The following ADAM17 variants were observed in gnomAD, a reference collection of about 807,000 sequenced individuals.
The protein encoded by ADAM17 is ADAM metallopeptidase domain 17.
Under a neutral mutation model 96.7 loss-of-function variants are expected in ADAM17, and 39 were observed. The ratio of observed to expected loss-of-function variants is 0.40; its 90% CI spans 0.31 to 0.53. ADAM17 has a LOEUF of 0.53. Among genes scored for constraint, ADAM17 ranks in the 20% least tolerant of loss-of-function variants. The pLI is 0.44. For missense variants in ADAM17, 777 were observed against 1,013.2 expected (o/e 0.77, Z 3.17); for synonymous variants, 344 against 359.2 (o/e 0.96, Z 0.48).
intron 10 of ADAM17, 48 bp downstream of exon 10, chr2:9,517,853 T>G (rs775990297): frequency 7.8e-7 from 1 of 1,285,878 alleles, no homozygotes; most frequent in Non-Finnish European, 1.1e-6. Flanking sequence ...ACTGAGGTTC[T>G]ACTACAATAA....
At chr2:9,525,211 A>T (rs1664470305) in intron 6 of ADAM17, among the ~76,000 whole-genome samples, 1 of 150,196 alleles carries the variant, frequency 6.7e-6, no homozygotes, top group South Asian at 2.2e-4. Flanking sequence ...AGGCAGGAGA[A>T]TTGCTTGAAC....
At chr2:9,502,033 C>G (rs771044037) in intron 13 of ADAM17, 140 bp downstream of exon 13, 3 of 723,464 alleles carry the variant, frequency 4.1e-6, no homozygotes, top group Non-Finnish European at 7.0e-6. Flanking sequence ...GTGTCACAAA[C>G]TAAGGAGTGC....
intron 11 of ADAM17, among the ~76,000 whole-genome samples, chr2:9,507,256 G>A (rs1479551971): frequency 6.6e-6 from 1 of 152,152 alleles, no homozygotes; most frequent in East Asian, 1.9e-4. Flanking sequence ...TTGAGAGGTC[G>A]AGGCAGGTGG....
intron 12 of ADAM17, among the ~76,000 whole-genome samples, chr2:9,504,625 T>C (rs1428680874): frequency 4.7e-5 from 7 of 149,800 alleles, no homozygotes; most frequent in Non-Finnish European, 8.9e-5. Flanking sequence ...TAGCCGGGCA[T>C]GGTGGTGCGT....
chr2:9,530,963 T>C (rs918771671), intron 4 of ADAM17, among the ~76,000 whole-genome samples: 7 of 152,184 alleles, frequency 4.6e-5, no homozygotes, highest in Non-Finnish European at 2.9e-5. Flanking sequence ...CATTTTCTTT[T>C]TTATTTTTTT....
intron 1 of ADAM17, among the ~76,000 whole-genome samples, chr2:9,553,157 TTCC>T (rs1320177336): frequency 6.6e-6 from 1 of 152,184 alleles, no homozygotes. Context: ...GAGACTCATT[TTCC>T]TCCTCCTTTA....
At chr2:9,537,773 A>C (rs2125036430) in intron 2 of ADAM17, among the ~76,000 whole-genome samples, 1 of 151,522 alleles carries the variant, frequency 6.6e-6, no homozygotes, top group African/African-American at 2.4e-5. Flanking sequence ...AAAACAACAT[A>C]TCTTGCAAAA....
intron 6 of ADAM17, among the ~76,000 whole-genome samples, chr2:9,524,873 G>A (rs952199059): frequency 6.6e-6 from 1 of 152,172 alleles, no homozygotes; most frequent in African/African-American, 2.4e-5. Context: ...TTTTCTCAAA[G>A]AGAATATTCT....
Position 9,536,802 on chromosome 2 carries a change from C to G in ADAM17, c.257G>C (p.Ser86Thr). Residue 86 changes from serine to threonine, a missense_variant, in exon 3 of 19, where the codon AGT becomes ACT. Ser to Thr is a moderately conservative substitution (Grantham distance 58, BLOSUM62 1). Coordinates refer to ENST00000310823, the MANE Select transcript of ADAM17 (RefSeq NM_003183.6). ...KRHFKLYLTS[S>T]TERFSQNFKV... ...GAAATTTTGTGAAAAACGTTCAGTACTTGATGTCAGGTATAATTTAAAATG... is the reference window on the plus strand; with the variant it reads ...GAAATTTTGTGAAAAACGTTCAGTAGTTGATGTCAGGTATAATTTAAAATG... 1.9e-6 allele frequency: 3 copies of G among 1,613,976 alleles called. No homozygotes were observed. Among genetic ancestry groups the G allele is most frequent in the Non-Finnish European group, 2.5e-6 (3 of 1,179,924 alleles).
At chr2:9,555,325 G>A (rs1309097125) in intron 1 of ADAM17, among the ~76,000 whole-genome samples, 184 bp downstream of exon 1, 1 of 152,092 alleles carries the variant, frequency 6.6e-6, no homozygotes, top group Non-Finnish European at 1.5e-5. Context: ...CTCAGAGACA[G>A]GCCCATCTCC....
rs1378835491 is a variant in ADAM17 at position 9,541,860 on chromosome 2, G to A, written c.230+1293C>T. On this transcript the variant is annotated intron_variant, in intron 2 of 18. Coordinates refer to ENST00000310823, the MANE Select transcript of ADAM17 (RefSeq NM_003183.6). ...TCAAGACCAGCCTGGCCAACATGGT[G>A]AAACTCTGTCTCTACTAAAAATAAC... Among the ~76,000 whole-genome samples the A allele has an allele frequency of 2.6e-5, 4 of 151,626 alleles. No individual in the cohort carries two copies. In the East Asian group the frequency reaches 7.9e-4, roughly 30 times the overall value.
intron 6 of ADAM17, among the ~76,000 whole-genome samples, chr2:9,525,605 CTT>C (rs998506447): frequency 1.3e-5 from 2 of 152,196 alleles, no homozygotes; most frequent in Non-Finnish European, 2.9e-5. Flanking sequence ...CTTCTTACAT[CTT>C]TCCTTCACTT....
rs1052575038 is a variant in ADAM17 at position 9,489,054 on chromosome 2, G to A, written c.*1123C>T. 1 of 152,128 alleles carries A rather than the reference G, an allele frequency of 6.6e-6. No homozygotes were observed. Among genetic ancestry groups the A allele is most frequent in the African/African-American group, 2.4e-5 (1 of 41,426 alleles). The allele number at this position is 152,128 out of a possible 1,614,324, so 9.4% of individuals were successfully genotyped here. A position where few individuals can be genotyped will look rare whatever the true frequency, so the allele number is the denominator to read the frequency against. Reference sequence around the variant, plus strand: ...ATATCTGCTTGTGGGTCAATAAAAAGGGTTTCTGAAGTATCAAGTCTTGTG... The same window carrying A: ...ATATCTGCTTGTGGGTCAATAAAAAAGGTTTCTGAAGTATCAAGTCTTGTG... On this transcript the variant is annotated 3_prime_UTR_variant, in exon 19 of 19. Coordinates refer to ENST00000310823, the MANE Select transcript of ADAM17 (RefSeq NM_003183.6).
At chr2:9,544,509 A>G (rs1002894175) in intron 1 of ADAM17, among the ~76,000 whole-genome samples, 1 of 151,800 alleles carries the variant, frequency 6.6e-6, no homozygotes, top group Non-Finnish European at 1.5e-5. Context: ...TGGGCGACAG[A>G]GCAAGACTCC....
In ADAM17 at chr2:9,555,606, G is replaced by A. The variant is rs1665723210; in HGVS notation, c.-1C>T. The A allele has an allele frequency of 1.9e-6, 3 of 1,570,308 alleles. No homozygotes were observed. The highest frequency in any genetic ancestry group is 2.6e-6 in the Non-Finnish European group (3 of 1,157,204). ...TCAGGAATAGGAGAGACTGCCTCAT[G>A]TTCCCGGCCCCGCTACCGACTCCAC... On this transcript the variant is annotated 5_prime_UTR_variant, in exon 1 of 19. Coordinates refer to ENST00000310823, the MANE Select transcript of ADAM17 (RefSeq NM_003183.6).
At chr2:9,554,548 A>G (rs1270385603) in intron 1 of ADAM17, among the ~76,000 whole-genome samples, 1 of 152,256 alleles carries the variant, frequency 6.6e-6, no homozygotes, top group East Asian at 1.9e-4. Context: ...TACACATGGT[A>G]TCATGGTGAA....
At chr2:9,519,743 G>C (rs964134938) in intron 8 of ADAM17, among the ~76,000 whole-genome samples, 1 of 151,800 alleles carries the variant, frequency 6.6e-6, no homozygotes, top group Non-Finnish European at 1.5e-5. Flanking sequence ...GAAGGACCAT[G>C]TGAGAACACA....
In ADAM17 at chr2:9,543,253, T is replaced by C. The variant is rs778198013; in HGVS notation, c.130A>G (p.Ile44Val). 2 of 1,606,752 alleles carry C rather than the reference T, an allele frequency of 1.2e-6. No individual in the cohort carries two copies. Among genetic ancestry groups the C allele is most frequent in the South Asian group, 2.2e-5 (2 of 89,412 alleles). ...KLDSLLSDYD[I>V]LSLSNIQQHS... Reference sequence around the variant, plus strand: ...TGCTGGATATTAGATAAAGAGAGAATATCGTAGTCTGAGAGCAAAGAATCA... The same window carrying C: ...TGCTGGATATTAGATAAAGAGAGAACATCGTAGTCTGAGAGCAAAGAATCA... The change falls in exon 2 of 19, where the codon ATT becomes GTT. Residue 44 changes from isoleucine to valine, a missense_variant. Around this residue, in one of 3 missense-constraint regions of ADAM17, gnomAD observed 134 missense variants for 129.1 expected, o/e 1.04. Transcript: ENST00000310823.
intron 13 of ADAM17, among the ~76,000 whole-genome samples, chr2:9,499,226 G>A (rs1662845685): frequency 6.6e-6 from 1 of 150,484 alleles, no homozygotes; most frequent in Non-Finnish European, 1.5e-5. Flanking sequence ...AAAATATCAA[G>A]GGAACAAAAG....
Sources: gnomAD v4.1 joint callset for allele counts (sites outside exome capture counted in the v4.1 genomes callset) on GRCh38, gnomAD v4.1.1 for gene constraint, gnomAD v4.1.1 regional missense constraint, MANE v1.5 for transcripts, NCBI Gene and HGNC (gene_info 2026-07-23, HGNC 2026-07-21) for gene names.